The following ZNF804A variants were observed in gnomAD, a reference collection of about 807,000 sequenced individuals.
ZNF804A encodes zinc finger protein 804A.
In ZNF804A, 2 loss-of-function variants were observed where a neutral mutation model predicts 16.5. The observed-to-expected ratio is 0.12, with a 90% CI of 0.05 to 0.38. The LOEUF (loss-of-function observed/expected upper bound fraction) is 0.38, where lower values mean the gene tolerates loss of function less well. ZNF804A is among the 10% of genes least tolerant of loss of function. The pLI is 0.99. For synonymous variants in ZNF804A, 534 were observed against 489.6 expected (o/e 1.09, Z -1.20); for missense variants, 1,473 against 1,390.7 (o/e 1.06, Z -0.94).
chr2:184,796,385 T>TA (rs1376655893), intron 1 of ZNF804A, among the ~76,000 whole-genome samples: 1 of 151,534 alleles, frequency 6.6e-6, no homozygotes, highest in Non-Finnish European at 1.5e-5. Context: ...ATTTTTCAAT[T>TA]ACCATTTCAA....
At chr2:184,627,399 A>C (rs1691523034) in intron 1 of ZNF804A, among the ~76,000 whole-genome samples, 1 of 152,172 alleles carries the variant, frequency 6.6e-6, no homozygotes, top group Admixed American at 6.5e-5. Flanking sequence ...TTTGTGCCTG[A>C]AAAGTTCTAT....
chr2:184,936,071 G>A lies in ZNF804A; in HGVS notation c.675G>A (p.Lys225=). The A allele has an allele frequency of 1.2e-6, 2 of 1,614,074 alleles. No individual in the cohort carries two copies. The highest frequency in any genetic ancestry group is 2.2e-5 in the East Asian group (1 of 44,854). Residue 225 remains lysine (K), a synonymous_variant, in exon 4 of 4, where the codon AAG becomes AAA. Coordinates refer to ENST00000302277, the MANE Select transcript of ZNF804A (RefSeq NM_194250.2). ...SFAFPKKASV[K]LESSAAAFSE... is the part of the protein sequence containing the mutation. ...CATTTCCAAAGAAAGCGTCCGTGAAGCTAGAGTCCTCAGCTGCAGCCTTCT... is the reference window on the plus strand; with the variant it reads ...CATTTCCAAAGAAAGCGTCCGTGAAACTAGAGTCCTCAGCTGCAGCCTTCT...
At chr2:184,761,644 T>C (rs1036837150) in intron 1 of ZNF804A, among the ~76,000 whole-genome samples, 2 of 152,122 alleles carry the variant, frequency 1.3e-5, no homozygotes, top group Middle Eastern at 3.4e-3. Context: ...AAGTAGGAAA[T>C]AAAAAACATA....
rs566137855 is a variant in ZNF804A at position 184,897,898 on chromosome 2, C to T, written c.255+31386C>T. Among the ~76,000 whole-genome samples the T allele has an allele frequency of 4.6e-5, 7 of 152,230 alleles. No homozygotes were observed. The South Asian group carries it at 1.4e-3, about 32-fold the overall frequency. ...TTATTCCGTGCCTCAAACCAAGAAT[C>T]AGCCATTTCTTCCAGGAGCCCTGAT... On this transcript the variant is annotated intron_variant, in intron 2 of 3. Transcript: ENST00000302277.
chr2:184,688,239 C>T (rs2105723611), intron 1 of ZNF804A, among the ~76,000 whole-genome samples: 1 of 152,198 alleles, frequency 6.6e-6, no homozygotes, highest in South Asian at 2.1e-4. Flanking sequence ...ATACCCGCCA[C>T]ACACTCCCCA....
Position 184,938,486 on chromosome 2 carries a change from A to G in ZNF804A, c.3090A>G (p.Pro1030=). 6.2e-7 allele frequency: 1 copy of G among 1,614,130 alleles called. No homozygotes were observed. The highest frequency in any genetic ancestry group is 8.5e-7 in the Non-Finnish European group (1 of 1,180,012). The part of the protein sequence containing the change: ...AEQILAPLAL[P]EQALLIPLEN... ...AAATCCTGGCTCCATTAGCTTTACC[A>G]GAGCAAGCATTATTGATCCCACTAG... The change falls in exon 4 of 4, where the codon CCA becomes CCG. Residue 1030 remains proline (P), a synonymous_variant. Coordinates refer to ENST00000302277, the MANE Select transcript of ZNF804A (RefSeq NM_194250.2).
chr2:184,866,898 A>G (rs1254265934), intron 2 of ZNF804A, among the ~76,000 whole-genome samples: 1 of 150,622 alleles, frequency 6.6e-6, no homozygotes, highest in East Asian at 1.9e-4. Flanking sequence ...TATAAATCTA[A>G]TATATACATA....
chr2:184,762,682 CT>C (rs1028294165), intron 1 of ZNF804A, among the ~76,000 whole-genome samples: 5 of 151,878 alleles, frequency 3.3e-5, no homozygotes, highest in African/African-American at 1.2e-4. Context: ...GACTATTTAT[CT>C]GAGTTTTTAA....
chr2:184,725,080 C>T (rs917889923), intron 1 of ZNF804A, among the ~76,000 whole-genome samples: 3 of 151,582 alleles, frequency 2.0e-5, no homozygotes, highest in Non-Finnish European at 3.0e-5. Context: ...GAATAAGACA[C>T]AGTGATTAGC....
chr2:184,893,435 G>A (rs898341485), intron 2 of ZNF804A, among the ~76,000 whole-genome samples: 1 of 151,864 alleles, frequency 6.6e-6, no homozygotes, highest in African/African-American at 2.4e-5. Flanking sequence ...AATTTATTTT[G>A]TTGTAGAAGT....
chr2:184,690,978 A>G lies in ZNF804A; in HGVS notation c.111+91908A>G, dbSNP rs116047700. Among the ~76,000 whole-genome samples, 1,376 of 152,184 alleles carry G rather than the reference A, an allele frequency of 9.0e-3. 22 individuals carry two copies. Among genetic ancestry groups the G allele is most frequent in the African/African-American group, 0.032 (1,316 of 41,552 alleles). On this transcript the variant is annotated intron_variant, in intron 1 of 3. Coordinates refer to ENST00000302277, the MANE Select transcript of ZNF804A (RefSeq NM_194250.2). ...ATAAATATATGCAAAAAAATTCACA[A>G]TAATTTGTTACATTTGATATATTTA...
intron 1 of ZNF804A, among the ~76,000 whole-genome samples, chr2:184,628,796 T>A (rs1483235536): frequency 6.6e-6 from 1 of 152,176 alleles, no homozygotes; most frequent in Admixed American, 6.5e-5. Flanking sequence ...GGTTGTAGTG[T>A]ATATGCACAT....
chr2:184,603,231 T>G (rs1419859593), intron 1 of ZNF804A, among the ~76,000 whole-genome samples: 5 of 152,174 alleles, frequency 3.3e-5, no homozygotes, highest in African/African-American at 9.7e-5. Context: ...CACCACAGGC[T>G]CTGTATTAGG....
intron 1 of ZNF804A, among the ~76,000 whole-genome samples, chr2:184,671,976 A>G (rs1692345209): frequency 6.6e-6 from 1 of 152,244 alleles, no homozygotes; most frequent in Middle Eastern, 3.2e-3. Flanking sequence ...AAAATGTTAT[A>G]TGGACTGATG....
chr2:184,919,362 T>C (rs1482125956), intron 2 of ZNF804A, among the ~76,000 whole-genome samples: 1 of 152,140 alleles, frequency 6.6e-6, no homozygotes, highest in East Asian at 1.9e-4. Context: ...GGGCTGTCAA[T>C]GATGGCCATA....
At chr2:184,857,012 C>T (rs1270006235) in intron 1 of ZNF804A, among the ~76,000 whole-genome samples, 2 of 151,982 alleles carry the variant, frequency 1.3e-5, no homozygotes, top group African/African-American at 2.4e-5. Context: ...GTTCCTTCTG[C>T]TAACTTTGAG....
At chr2:184,785,252 A>G (rs866957441) in intron 1 of ZNF804A, among the ~76,000 whole-genome samples, 12 of 152,012 alleles carry the variant, frequency 7.9e-5, no homozygotes, top group South Asian at 4.1e-4. Context: ...TATGCCATAA[A>G]ATAATTTATA....
Position 184,937,484 on chromosome 2 carries a change from C to CGCA in ZNF804A, c.2088_2089insGCA (p.Asn696_Thr697insAla). On this transcript the variant is annotated inframe_insertion, in exon 4 of 4. Transcript: ENST00000302277. ...GTTCTAAAAACCACTGTAAAAAGAACACAATACTTTTAAATGGACAATCAA... is the reference window on the plus strand; with the variant it reads ...GTTCTAAAAACCACTGTAAAAAGAACGCAACAATACTTTTAAATGGACAATCAA... 3.1e-6 allele frequency: 5 copies of CGCA among 1,610,518 alleles called. No homozygotes were observed. The highest frequency in any genetic ancestry group is 4.2e-6 in the Non-Finnish European group (5 of 1,178,266).
At chr2:184,899,690 C>T (rs962602022) in intron 2 of ZNF804A, among the ~76,000 whole-genome samples, 1 of 151,934 alleles carries the variant, frequency 6.6e-6, no homozygotes, top group African/African-American at 2.4e-5. Context: ...TTATGAGTAA[C>T]ATTTAAAATA....
Sources: gnomAD v4.1 joint callset for allele counts (sites outside exome capture counted in the v4.1 genomes callset) on GRCh38, gnomAD v4.1.1 for gene constraint, MANE v1.5 for transcripts, NCBI Gene and HGNC (gene_info 2026-07-23, HGNC 2026-07-21) for gene names.